The following SOX5 variants were observed in gnomAD, a reference collection of about 807,000 sequenced individuals.
SOX5 encodes transcription factor SOX-5.
SOX5 carries 9 observed loss-of-function variants against 92.0 expected under a neutral mutation model. The observed-to-expected ratio is 0.10, with a 90% CI of 0.06 to 0.17. SOX5 has a LOEUF of 0.17. Ranked by LOEUF, SOX5 falls within the 10% of genes least tolerant of loss-of-function variation. The pLI is 1.00. For missense variants in SOX5, 642 were observed against 944.5 expected (o/e 0.68, Z 4.20); for synonymous variants, 344 against 336.3 (o/e 1.02, Z -0.25).
chr12:23,614,419 G>A (rs2076311355), intron 8 of SOX5, among the ~76,000 whole-genome samples: 1 of 152,188 alleles, frequency 6.6e-6, no homozygotes, highest in African/African-American at 2.4e-5. Context: ...GGAAGAGACT[G>A]TAGAAAAAGA....
At position 23,533,425 on chromosome 12, in the gene SOX5, A is replaced by G; in HGVS notation, c.*794T>C. The G allele has an allele frequency of 4.6e-6, 1 of 216,706 alleles. No homozygotes were observed. The highest frequency in any genetic ancestry group is 9.7e-6 in the Non-Finnish European group (1 of 103,466). 13.4% of individuals were successfully genotyped at this position (216,706 alleles called of 1,614,324 possible). On this transcript the variant is annotated 3_prime_UTR_variant, in exon 15 of 15. Coordinates refer to ENST00000451604, the MANE Select transcript of SOX5 (RefSeq NM_006940.6). ...TTCAAGGGATTGTCTAAGATTTAAC[A>G]CTGTCCTAACTTAAGAAGGAAAAGG...
intron 4 of SOX5, among the ~76,000 whole-genome samples, chr12:24,191,932 C>A (rs1246246229): frequency 6.6e-6 from 1 of 152,042 alleles, no homozygotes; most frequent in Non-Finnish European, 1.5e-5. Context: ...TAATCTCAAA[C>A]CAAGATTCCA....
chr12:23,808,567 T>C (rs1258673447), intron 3 of SOX5, among the ~76,000 whole-genome samples: 1 of 152,144 alleles, frequency 6.6e-6, no homozygotes, highest in South Asian at 2.1e-4. Flanking sequence ...ATTTCATACT[T>C]AAATAAATTT....
At chr12:23,592,629 C>T (rs1157725489) in intron 9 of SOX5, among the ~76,000 whole-genome samples, 1 of 152,144 alleles carries the variant, frequency 6.6e-6, no homozygotes, top group Non-Finnish European at 1.5e-5. Context: ...AAGCAGCAGT[C>T]TGATAATCAG....
At chr12:23,754,883 C>G (rs900163742) in intron 4 of SOX5, among the ~76,000 whole-genome samples, 11 of 151,718 alleles carry the variant, frequency 7.3e-5, no homozygotes, top group Non-Finnish European at 1.2e-4. Context: ...TAATATATAA[C>G]TAAATATTTT....
intron 1 of SOX5, among the ~76,000 whole-genome samples, chr12:24,560,938 A>C (rs186789807): frequency 1.3e-5 from 2 of 152,250 alleles, no homozygotes; most frequent in East Asian, 3.9e-4. Flanking sequence ...AGGGGCCATT[A>C]TTTATGAAAA....
chr12:24,119,413 T>C (rs1195314320), intron 4 of SOX5, among the ~76,000 whole-genome samples: 1 of 152,084 alleles, frequency 6.6e-6, no homozygotes, highest in Non-Finnish European at 1.5e-5. Flanking sequence ...GATTTACACT[T>C]GAGGCTACAT....
At chr12:23,669,568 G>T (rs2084402961) in intron 6 of SOX5, among the ~76,000 whole-genome samples, 1 of 151,748 alleles carries the variant, frequency 6.6e-6, no homozygotes, top group Admixed American at 6.6e-5. Flanking sequence ...GAGAGACCCA[G>T]CGTAGAGACC....
At chr12:23,950,623 G>T (rs1260821437), upstream of SOX5, among the ~76,000 whole-genome samples, 1 of 152,180 alleles carries the variant, frequency 6.6e-6, no homozygotes, top group East Asian at 1.9e-4. Context: ...GGGATCGCTG[G>T]GGAGGTCAGG....
intron 4 of SOX5, chr12:24,212,622 G>C (rs1440892184): frequency 2.6e-6 from 1 of 381,052 alleles, no homozygotes; most frequent in African/African-American, 2.2e-5. Flanking sequence ...CCTGGACCCA[G>C]GAATGAACAC....
At position 24,205,390 on chromosome 12, in the gene SOX5, T is replaced by C. The variant is rs531304891; in HGVS notation, c.-2+7953A>G. Among the ~76,000 whole-genome samples, 5 of 152,322 alleles carry C rather than the reference T, an allele frequency of 3.3e-5. No individual in the cohort carries two copies. The East Asian group carries it at 7.7e-4, about 23-fold the overall frequency. On this transcript the variant is annotated intron_variant, in intron 4 of 4. Transcript: ENST00000446891. ...GACACCACCCCAAATATTTTACATG[T>C]ATCATCTCATTACATCCTCAAAACA...
chr12:23,611,925 A>T (rs921409113), intron 8 of SOX5, among the ~76,000 whole-genome samples: 7 of 112,700 alleles, frequency 6.2e-5, no homozygotes, highest in African/African-American at 1.3e-4. Context: ...ATTTTAAATT[A>T]AAAAAAAAAA....
chr12:24,560,188 A>G (rs1347234444), intron 1 of SOX5, among the ~76,000 whole-genome samples: 1 of 152,196 alleles, frequency 6.6e-6, no homozygotes, highest in African/African-American at 2.4e-5. Flanking sequence ...AGGGGGAAAA[A>G]AGAAAGAATT....
intron 4 of SOX5, among the ~76,000 whole-genome samples, chr12:24,150,498 G>A (rs1405095083): frequency 2.6e-5 from 4 of 152,026 alleles, no homozygotes; most frequent in Non-Finnish European, 4.4e-5. Context: ...TGGTGACCAC[G>A]AGCATTTCAG....
intron 4 of SOX5, among the ~76,000 whole-genome samples, chr12:24,075,485 A>G (rs1281601885): frequency 1.3e-5 from 2 of 152,094 alleles, no homozygotes; most frequent in Non-Finnish European, 1.5e-5. Flanking sequence ...GGAAAAATGT[A>G]AAAAAATATT....
At chr12:23,987,289 G>T (rs1045398757) in intron 4 of SOX5, among the ~76,000 whole-genome samples, 1 of 152,208 alleles carries the variant, frequency 6.6e-6, no homozygotes, top group Non-Finnish European at 1.5e-5. Flanking sequence ...TCTCTAAAAT[G>T]ATGGCATTTA....
intron 2 of SOX5, among the ~76,000 whole-genome samples, chr12:23,848,927 C>T (rs895407273): frequency 3.3e-5 from 5 of 152,110 alleles, no homozygotes; most frequent in African/African-American, 9.7e-5. Flanking sequence ...TTTGCTTAAC[C>T]TTACCCCTTT....
At chr12:23,633,912 C>T (rs1421815003) in intron 8 of SOX5, among the ~76,000 whole-genome samples, 1 of 151,910 alleles carries the variant, frequency 6.6e-6, no homozygotes, top group Non-Finnish European at 1.5e-5. Context: ...GTAATAAGTG[C>T]TAAAACACAT....
intron 6 of SOX5, among the ~76,000 whole-genome samples, chr12:23,688,223 ATATT>A (rs976016517): frequency 6.6e-6 from 1 of 152,072 alleles, no homozygotes; most frequent in Non-Finnish European, 1.5e-5. Flanking sequence ...TTATAATGTG[ATATT>A]TAGTCACCTC....
Sources: gnomAD v4.1 joint callset for allele counts (sites outside exome capture counted in the v4.1 genomes callset) on GRCh38, gnomAD v4.1.1 for gene constraint, MANE v1.5 for transcripts, NCBI Gene and HGNC (gene_info 2026-07-23, HGNC 2026-07-21) for gene names.